PDE3A: variants seen among roughly 807,000 people sequenced by gnomAD.
The protein encoded by PDE3A is phosphodiesterase 3A, also known as cGMP-inhibited 3',5'-cyclic phosphodiesterase 3A.
A neutral mutation model predicts 98.3 loss-of-function variants in PDE3A; 43 were observed. That is an observed-to-expected ratio of 0.44 (90% CI 0.34 to 0.56). The LOEUF is 0.56. PDE3A is among the 20% of genes least tolerant of loss of function. PDE3A has a pLI of 0.01. For synonymous variants in PDE3A, 663 were observed against 567.9 expected (o/e 1.17, Z -2.38); for missense variants, 1,427 against 1,440.7 (o/e 0.99, Z 0.15).
chr12:20,458,797 T>A (rs1269417884), intron 1 of PDE3A, among the ~76,000 whole-genome samples: 1 of 152,138 alleles, frequency 6.6e-6, no homozygotes, highest in Non-Finnish European at 1.5e-5. Flanking sequence ...AAGACAGACA[T>A]TAGGATACTG....
At chr12:20,622,205 CCCAAACT>C (rs1210264598) in intron 5 of PDE3A, among the ~76,000 whole-genome samples, 1 of 152,044 alleles carries the variant, frequency 6.6e-6, no homozygotes, top group Non-Finnish European at 1.5e-5. Flanking sequence ...CCATGGCAAC[CCCAAACT>C]CCAATTTTTA....
intron 1 of PDE3A, chr12:20,450,052 A>G (rs1565553303): frequency 3.3e-6 from 2 of 609,168 alleles, no homozygotes; most frequent in Non-Finnish European, 6.1e-6. Context: ...ACAATTGCAT[A>G]TTTCTTCAAG....
At chr12:20,467,314 TTG>T (rs10532257) in intron 1 of PDE3A, among the ~76,000 whole-genome samples, 110,793 of 146,690 alleles carry the variant, frequency 0.76, 41,730 homozygotes, top group East Asian at 0.95. Flanking sequence ...TGCTTTTTTT[TTG>T]TTTGTATATC....
rs142569377 is a variant in PDE3A, at chr12:20,654,111, C to G, written c.3090C>G (p.Ser1030Arg). 1 of 1,613,834 alleles carries G rather than the reference C, an allele frequency of 6.2e-7. No homozygotes were observed. Among genetic ancestry groups the G allele is most frequent in the Admixed American group, 1.7e-5 (1 of 60,002 alleles). Residue 1030 changes from serine (S) to arginine (R), a missense_variant, in exon 15 of 16, where the codon AGC (serine) becomes AGG (arginine). Physicochemically the swap from Ser to Arg is moderately radical, Grantham distance 110. Coordinates refer to ENST00000359062, the MANE Select transcript of PDE3A (RefSeq NM_000921.5). ...TGCCTGGAAAATGGGTGGAAGACAG[C>G]GATGAGTCAGGAGATACTGATGACC... is the stretch of plus-strand genomic sequence containing the variant. ...GLMPGKWVED[S>R]DESGDTDDPE...
At chr12:20,461,691 A>G (rs1170679127) in intron 1 of PDE3A, among the ~76,000 whole-genome samples, 1 of 152,172 alleles carries the variant, frequency 6.6e-6, no homozygotes. Context: ...GATGGTGATG[A>G]CGATTATTAT....
chr12:20,582,800 G>A (rs890914889), intron 2 of PDE3A, among the ~76,000 whole-genome samples: 1 of 152,004 alleles, frequency 6.6e-6, no homozygotes, highest in Non-Finnish European at 1.5e-5. Context: ...GTGCACTGGT[G>A]GAGTCAATTT....
At chr12:20,469,771 T>G (rs541154589) in intron 1 of PDE3A, among the ~76,000 whole-genome samples, 1 of 152,320 alleles carries the variant, frequency 6.6e-6, no homozygotes, top group East Asian at 1.9e-4. Flanking sequence ...AAATATTATG[T>G]GGGTGGAATA....
At chr12:20,489,749 G>C (rs1490060453) in intron 1 of PDE3A, among the ~76,000 whole-genome samples, 1 of 152,160 alleles carries the variant, frequency 6.6e-6, no homozygotes, top group Non-Finnish European at 1.5e-5. Context: ...CACTGATTTA[G>C]ATGTTGATGA....
intron 1 of PDE3A, among the ~76,000 whole-genome samples, chr12:20,391,944 C>T (rs2120612995): frequency 6.6e-6 from 1 of 152,006 alleles, no homozygotes; most frequent in Non-Finnish European, 1.5e-5. Flanking sequence ...AAGCATCAAC[C>T]CTCAACCTAC....
At chr12:20,628,537 A>G (rs1944315224) in intron 5 of PDE3A, among the ~76,000 whole-genome samples, 1 of 152,104 alleles carries the variant, frequency 6.6e-6, no homozygotes, top group African/African-American at 2.4e-5. Context: ...ATATTCTCCC[A>G]TGTACTAGTA....
intron 1 of PDE3A, among the ~76,000 whole-genome samples, chr12:20,417,047 C>T (rs939503298): frequency 2.0e-5 from 3 of 152,024 alleles, no homozygotes; most frequent in African/African-American, 4.8e-5. Flanking sequence ...CCAAAATGTA[C>T]ATAATGTGCA....
intron 5 of PDE3A, among the ~76,000 whole-genome samples, chr12:20,628,854 T>A (rs1395256510): frequency 6.6e-6 from 1 of 152,234 alleles, no homozygotes; most frequent in Non-Finnish European, 1.5e-5. Context: ...ACCTTTGGTA[T>A]GACAACTCAA....
chr12:20,633,063 G>A (rs1407557500), intron 6 of PDE3A, among the ~76,000 whole-genome samples: 1 of 145,966 alleles, frequency 6.9e-6, no homozygotes, highest in Non-Finnish European at 1.5e-5. Flanking sequence ...CGATTCTCCT[G>A]CCTCAGCCTC....
At chr12:20,400,379 G>GTTTTTT (rs75851941) in intron 1 of PDE3A, among the ~76,000 whole-genome samples, 63 of 110,196 alleles carry the variant, frequency 5.7e-4, no homozygotes, top group Non-Finnish European at 7.7e-4. Context: ...GTTAACATTG[G>GTTTTTT]TTTTTTTTTT....
intron 5 of PDE3A, among the ~76,000 whole-genome samples, chr12:20,627,341 A>C (rs1247692115): frequency 1.3e-5 from 2 of 151,896 alleles, no homozygotes; most frequent in Admixed American, 6.6e-5. Flanking sequence ...CAACCTAATA[A>C]AACTTTGCCC....
At chr12:20,511,417 T>TACAC (rs71884926) in intron 1 of PDE3A, among the ~76,000 whole-genome samples, 15,556 of 147,862 alleles carry the variant, frequency 0.11, 1,048 homozygotes, top group East Asian at 0.25. Context: ...AGTGCTCAAA[T>TACAC]ACACACACAC....
chr12:20,651,099 AACTTC>A (rs1279499921), intron 14 of PDE3A, among the ~76,000 whole-genome samples: 1 of 152,214 alleles, frequency 6.6e-6, no homozygotes, highest in African/African-American at 2.4e-5. Flanking sequence ...ATATTAGATT[AACTTC>A]ACTTTTGTAA....
intron 2 of PDE3A, among the ~76,000 whole-genome samples, chr12:20,598,681 C>T (rs1943522744): frequency 6.6e-6 from 1 of 152,112 alleles, no homozygotes; most frequent in Admixed American, 6.5e-5. Flanking sequence ...TTTGTGAAGC[C>T]TGGGGTACTT....
At chr12:20,370,303 G>T (rs539801698) in intron 1 of PDE3A, 59 bp downstream of exon 1, 2 of 1,442,194 alleles carry the variant, frequency 1.4e-6, no homozygotes, top group Non-Finnish European at 1.8e-6. Context: ...GGCAACCGGC[G>T]CAGAGTGGAG....
Sources: allele counts gnomAD v4.1 joint callset (sites outside exome capture counted in the v4.1 genomes callset), GRCh38; gene constraint gnomAD v4.1.1; transcripts MANE v1.5; gene names NCBI Gene and HGNC (gene_info 2026-07-23, HGNC 2026-07-21).